Variants in ZNF683 observed in about 807,000 individuals in gnomAD.
ZNF683 encodes zinc finger protein 683.
ZNF683 carries 20 observed loss-of-function variants against 31.4 expected under a neutral mutation model. The ratio of observed to expected loss-of-function variants is 0.64; its 90% CI spans 0.45 to 0.93. The LOEUF (loss-of-function observed/expected upper bound fraction) is 0.93. Among genes scored for constraint, ZNF683 ranks in the 40% least tolerant of loss-of-function variants. ZNF683 has a pLI of 0.00. For synonymous variants in ZNF683, 264 were observed against 267.6 expected, an observed-to-expected ratio of 0.99 and a Z score of 0.13; for missense variants, 621 against 637.2, an observed-to-expected ratio of 0.97 and a Z score of 0.27.
At chr1:26,362,918 A>G (rs962372391) in intron 5 of ZNF683, 108 bp downstream of exon 5, 3 of 1,420,702 alleles carry the variant, frequency 2.1e-6, no homozygotes, top group Admixed American at 4.4e-5. Flanking sequence ...TCCCATCTCC[A>G]CTTGCTCAGG....
intron 5 of ZNF683, chr1:26,362,300 C>A: frequency 2.2e-6 from 2 of 926,964 alleles, no homozygotes; most frequent in South Asian, 2.9e-5. Context: ...TAATACCTAG[C>A]TTCATAGATA....
At chr1:26,366,724 C>T (rs1431668403) in intron 3 of ZNF683, among the ~76,000 whole-genome samples, 2 of 152,120 alleles carry the variant, frequency 1.3e-5, no homozygotes, top group Admixed American at 6.5e-5. Flanking sequence ...GGTGCCATCT[C>T]GGCTCACTGC....
intron 1 of ZNF683, chr1:26,370,900 C>A: frequency 6.0e-6 from 1 of 165,752 alleles, no homozygotes; most frequent in Non-Finnish European, 1.2e-5. Flanking sequence ...GGAGGACAAC[C>A]TGCTGATGTG....
chr1:26,367,497 A>T, intron 3 of ZNF683, 96 bp downstream of exon 3: 1 of 1,287,986 alleles, frequency 7.8e-7, no homozygotes, highest in Non-Finnish European at 1.0e-6. Flanking sequence ...CATCAGTGAC[A>T]CTGCGTCCTC....
Position 26,364,962 on chromosome 1 carries a change from C to A in ZNF683, c.584G>T (p.Gly195Val). 1 of 1,566,994 alleles carries A rather than the reference C, an allele frequency of 6.4e-7. No individual in the cohort carries two copies. Among genetic ancestry groups the A allele is most frequent in the South Asian group, 1.2e-5 (1 of 81,906 alleles). ...LPFLLHAFYP[G>V]YPLLLPPPHL... ...GGGTGGAGGCAGGAGAAGTGGGTAT[C>A]CAGGGTAGAAGGCGTGGAGGAGAAA... Residue 195 changes from glycine to valine, a missense_variant, in exon 4 of 6, where the codon GGA becomes GTA. Gly to Val is a moderately radical substitution (Grantham distance 109). Transcript: ENST00000349618.
rs780637714 is a variant in ZNF683 at position 26,361,934 on chromosome 1, C to A, written c.1232G>T (p.Cys411Phe). ...GATGTGCTGGGTGAAGCGACTCCGG[C>A]AGACACTGCACTGGAAGGGCCGGGC... is the stretch of plus-strand genomic sequence containing the variant. Reference protein sequence around the residue: ...SGARPFQCSVCRSRFTQHIHL... With the variant: ...SGARPFQCSVFRSRFTQHIHL... The change falls in exon 6 of 6, where the codon TGC (cysteine) becomes TTC (phenylalanine). Residue 411 changes from cysteine (C) to phenylalanine (F), a missense_variant. Coordinates refer to ENST00000349618, the MANE Select transcript of ZNF683 (RefSeq NM_001114759.3). 1 of 1,614,010 alleles carries A rather than the reference C, an allele frequency of 6.2e-7. No homozygotes were observed. Among genetic ancestry groups the A allele is most frequent in the Non-Finnish European group, 8.5e-7 (1 of 1,179,898 alleles).
chr1:26,365,498 G>T (rs2074500903), intron 3 of ZNF683, among the ~76,000 whole-genome samples: 1 of 152,226 alleles, frequency 6.6e-6, no homozygotes, highest in Non-Finnish European at 1.5e-5. Flanking sequence ...CATGGGCACA[G>T]ATAAGATCAC....
At chr1:26,369,395 C>T (rs1340866868) in intron 1 of ZNF683, among the ~76,000 whole-genome samples, 4 of 151,576 alleles carry the variant, frequency 2.6e-5, no homozygotes, top group African/African-American at 9.7e-5. Context: ...AGACCAGGTG[C>T]GGTGGCTCAT....
intron 4 of ZNF683, 101 bp downstream of exon 4, chr1:26,364,431 T>C (rs2074462790): frequency 1.5e-6 from 2 of 1,362,612 alleles, no homozygotes; most frequent in East Asian, 4.6e-5. Context: ...TGCCCAGGAG[T>C]GCCTTCTAGC....
intron 4 of ZNF683, 105 bp from the exon 5 acceptor site, chr1:26,363,259 C>T: frequency 2.2e-6 from 3 of 1,383,310 alleles, no homozygotes; most frequent in South Asian, 2.7e-5. Context: ...CCCGTCATCT[C>T]CCTCAGGGCC....
chr1:26,368,685 G>T, intron 1 of ZNF683, 100 bp from the exon 2 acceptor site: 1 of 1,335,318 alleles, frequency 7.5e-7, no homozygotes. Flanking sequence ...ATGACCACAA[G>T]TTATTCATGT....
chr1:26,366,669 T>G (rs192235803), intron 3 of ZNF683, among the ~76,000 whole-genome samples: 1 of 152,056 alleles, frequency 6.6e-6, no homozygotes, highest in African/African-American at 2.4e-5. Flanking sequence ...CCAGTGCTTT[T>G]TTTTTGAGAT....
Position 26,364,608 on chromosome 1 carries a change from A to T in ZNF683, c.938T>A (p.Leu313Gln). 6.2e-7 allele frequency: 1 copy of T among 1,613,956 alleles called. No homozygotes were observed. The highest frequency in any genetic ancestry group is 1.1e-5 in the South Asian group (1 of 91,082). The change falls in exon 4 of 6, where the codon CTG becomes CAG. Residue 313 changes from leucine to glutamine, a missense_variant. By Grantham distance (113) the Leu-to-Gln change is moderately radical. Coordinates refer to ENST00000349618, the MANE Select transcript of ZNF683 (RefSeq NM_001114759.3). ...CAGGATTTTGCCATTCTTCTTTTTC[A>T]GCGGGTAAGGCAAGGCTGCGGTGCC... ...QTGTAALPYP[L>Q]KKKNGKILYE...
chr1:26,361,843 G>T lies in ZNF683; in HGVS notation c.1323C>A (p.Pro441=), dbSNP rs148404699. The change falls in exon 6 of 6, where the codon CCC becomes CCA. Residue 441 remains proline (P), a synonymous_variant. Transcript: ENST00000349618. ...GGGCAAGGCAGGCCAGAGAGGCCAG[G>T]GGCAGCTGGGTGTGCACCAGGCCAC... ...QPCGLVHTQL[P]LASLACLAQW... 2 of 1,613,920 alleles carry T rather than the reference G, an allele frequency of 1.2e-6. No homozygotes were observed. The highest frequency in any genetic ancestry group is 1.7e-5 in the Admixed American group (1 of 60,010).
chr1:26,364,078 G>A (rs979974206), intron 4 of ZNF683, among the ~76,000 whole-genome samples: 3 of 152,256 alleles, frequency 2.0e-5, no homozygotes, highest in Non-Finnish European at 1.5e-5. Flanking sequence ...CTTGAAAAAG[G>A]TTGGTCATCG....
In ZNF683 at chr1:26,367,659, A is replaced by ACAGGTT; in HGVS notation, c.247_252dup (p.Asn83_Leu84dup). On this transcript the variant is annotated inframe_insertion, in exon 3 of 6. Coordinates refer to ENST00000349618, the MANE Select transcript of ZNF683 (RefSeq NM_001114759.3). The stretch of plus-strand genomic sequence containing the variant: ...CCCAGGGGTGCCGGCTGTGGGGTGC[A>ACAGGTT]CAGGTTCAGGTCCAGGTCCTGTAGG... 6.2e-7 allele frequency: 1 copy of ACAGGTT among 1,612,678 alleles called. No homozygotes were observed. Among genetic ancestry groups the ACAGGTT allele is most frequent in the Non-Finnish European group, 8.5e-7 (1 of 1,179,704 alleles).
chr1:26,368,465 C>T lies in ZNF683; in HGVS notation c.107G>A (p.Gly36Asp). The T allele has an allele frequency of 6.3e-7, 1 of 1,593,130 alleles. No individual in the cohort carries two copies. Among genetic ancestry groups the T allele is most frequent in the Non-Finnish European group, 8.5e-7 (1 of 1,170,390 alleles). Residue 36 changes from glycine (G) to aspartate (D), a missense_variant, in exon 2 of 6, where the codon GGT becomes GAT. Gly to Asp is a moderately conservative substitution (Grantham distance 94, BLOSUM62 -1). Coordinates refer to ENST00000349618, the MANE Select transcript of ZNF683 (RefSeq NM_001114759.3). ...SPSLDFQLFRGDQVFSACRPL... is the reference protein window; with the variant it reads ...SPSLDFQLFRDDQVFSACRPL... Reference sequence around the variant, plus strand: ...GCTGGGGTTCTACCTTACCTGGTCACCTCGGAAGAGCTGGAAGTCCAGGCT... The same window carrying T: ...GCTGGGGTTCTACCTTACCTGGTCATCTCGGAAGAGCTGGAAGTCCAGGCT...
chr1:26,371,918 C>T (rs376256814), intron 1 of ZNF683, among the ~76,000 whole-genome samples: 7 of 151,722 alleles, frequency 4.6e-5, no homozygotes, highest in Non-Finnish European at 1.0e-4. Flanking sequence ...GGTGACAGAG[C>T]GAGACCCTGT....
chr1:26,369,668 CAA>C (rs56178546), intron 1 of ZNF683, among the ~76,000 whole-genome samples: 2 of 108,670 alleles, frequency 1.8e-5, no homozygotes, highest in Admixed American at 8.4e-5. Context: ...ACTTTGTCTC[CAA>C]AAAAAAAAAA....
Sources: allele counts gnomAD v4.1 joint callset (sites outside exome capture counted in the v4.1 genomes callset), GRCh38; gene constraint gnomAD v4.1.1; transcripts MANE v1.5; gene names NCBI Gene and HGNC (gene_info 2026-07-23, HGNC 2026-07-21).